Variants in DGCR2 observed in about 807,000 individuals in gnomAD.
DGCR2 encodes the protein DiGeorge syndrome critical region gene 2, also known as integral membrane protein DGCR2/IDD.
In DGCR2, 24 loss-of-function variants were observed where a neutral mutation model predicts 51.6. That is an observed-to-expected ratio of 0.47 (90% CI 0.34 to 0.65). DGCR2 has a LOEUF of 0.65. Ranked by LOEUF, DGCR2 falls within the 30% of genes least tolerant of loss-of-function variation. DGCR2 has a pLI of 0.01. For synonymous variants in DGCR2, 340 were observed against 315.4 expected (o/e 1.08, Z -0.82); for missense variants, 765 against 772.1 (o/e 0.99, Z 0.11).
At chr22:19,089,275 C>T in intron 2 of DGCR2, 93 bp downstream of exon 2, 2 of 1,375,044 alleles carry the variant, frequency 1.5e-6, no homozygotes, top group Non-Finnish European at 1.9e-6. Flanking sequence ...TGTGTTAAGA[C>T]AGCACACACC....
chr22:19,118,857 AGATG>A (rs2083401184), intron 1 of DGCR2, among the ~76,000 whole-genome samples: 1 of 152,264 alleles, frequency 6.6e-6, no homozygotes, highest in African/African-American at 2.4e-5. Flanking sequence ...TTCTCTACAC[AGATG>A]GAGAAAGGGC....
chr22:19,063,390 G>C lies in DGCR2; in HGVS notation c.549-112C>G, dbSNP rs940119827. 3.4e-5 allele frequency: 33 copies of C among 973,196 alleles called. No individual in the cohort carries two copies. In the Middle Eastern group the frequency reaches 6.9e-4, roughly 20 times the overall value. 60.3% of individuals were successfully genotyped at this position (973,196 alleles called of 1,614,324 possible). ...AGAGTCTCGCTCTGTCACCAGGATG[G>C]AGTGCAGTGGTGCGATCTCGGCTCA... On this transcript the variant is annotated intron_variant, in intron 4 of 9. Coordinates refer to ENST00000263196, the MANE Select transcript of DGCR2 (RefSeq NM_005137.3).
chr22:19,051,110 AC>A (rs2082543081), intron 6 of DGCR2, among the ~76,000 whole-genome samples: 1 of 145,624 alleles, frequency 6.9e-6, no homozygotes, highest in Admixed American at 7.3e-5. Flanking sequence ...AATCACTTGA[AC>A]CCAGGAGGTG....
Position 19,107,835 on chromosome 22 carries a change from G to A in DGCR2, c.79+14293C>T, listed in dbSNP as rs139028486. ...TATCTCGCATCTGATGTAAACATCA[G>A]CCAGCAGTTTCATCCAACACTCGCA... On this transcript the variant is annotated intron_variant, in intron 1 of 9. Coordinates refer to ENST00000263196, the MANE Select transcript of DGCR2 (RefSeq NM_005137.3). Among the ~76,000 whole-genome samples the A allele has an allele frequency of 5.3e-3, 800 of 152,340 alleles. 9 individuals carry two copies. The highest frequency in any genetic ancestry group is 8.1e-3 in the Non-Finnish European group (552 of 68,030).
At chr22:19,120,082 C>T (rs1464371779) in intron 1 of DGCR2, among the ~76,000 whole-genome samples, 4 of 152,160 alleles carry the variant, frequency 2.6e-5, no homozygotes, top group African/African-American at 7.2e-5. Flanking sequence ...AAGAGGCACA[C>T]ACGGGCATAC....
chr22:19,121,890 A>C, intron 1 of DGCR2: 5 of 254,382 alleles, frequency 2.0e-5, no homozygotes, highest in East Asian at 7.9e-5. Flanking sequence ...GCTCCCGGGA[A>C]GGGCCCAGAG....
chr22:19,069,246 G>C (rs1372475668), intron 2 of DGCR2, among the ~76,000 whole-genome samples: 1 of 152,228 alleles, frequency 6.6e-6, no homozygotes, highest in Non-Finnish European at 1.5e-5. Context: ...CACAGGGAGG[G>C]TTAGGAGGCC....
intron 5 of DGCR2, among the ~76,000 whole-genome samples, chr22:19,058,274 C>A (rs2082624860): frequency 6.6e-6 from 1 of 152,184 alleles, no homozygotes; most frequent in African/African-American, 2.4e-5. Context: ...CTGTGCCAGG[C>A]CAGCAGGCAG....
intron 7 of DGCR2, 71 bp from the exon 8 acceptor site, chr22:19,042,030 G>C: frequency 6.5e-7 from 1 of 1,529,984 alleles, no homozygotes; most frequent in Admixed American, 2.0e-5. Context: ...GGATGCTGTC[G>C]TCCTCCTGCC....
intron 6 of DGCR2, among the ~76,000 whole-genome samples, chr22:19,048,982 T>C (rs990242503): frequency 2.0e-5 from 3 of 152,236 alleles, no homozygotes; most frequent in Non-Finnish European, 4.4e-5. Context: ...TGGAATGCCA[T>C]GGATCTCTGG....
chr22:19,051,856 T>C (rs1349291227), intron 6 of DGCR2, among the ~76,000 whole-genome samples: 17 of 152,034 alleles, frequency 1.1e-4, no homozygotes, highest in Admixed American at 9.2e-4. Flanking sequence ...GAAATGCAAA[T>C]TGAAACCATA....
chr22:19,075,925 A>G (rs748522202), intron 2 of DGCR2, among the ~76,000 whole-genome samples: 6 of 152,064 alleles, frequency 3.9e-5, no homozygotes, highest in Non-Finnish European at 7.4e-5. Flanking sequence ...TCTGCTTCCA[A>G]TTCTTTGGAG....
intron 7 of DGCR2, among the ~76,000 whole-genome samples, chr22:19,043,357 A>G (rs2082453998): frequency 1.3e-5 from 2 of 152,240 alleles, no homozygotes; most frequent in East Asian, 1.9e-4. Flanking sequence ...TGCAGTGCAC[A>G]CTGGGGACAG....
chr22:19,071,254 C>CT (rs1306278664), intron 2 of DGCR2, among the ~76,000 whole-genome samples: 1 of 152,244 alleles, frequency 6.6e-6, no homozygotes. Flanking sequence ...CACGCTGCTG[C>CT]TTCCCCAGCA....
intron 1 of DGCR2, among the ~76,000 whole-genome samples, chr22:19,099,407 C>T (rs572486051): frequency 6.7e-6 from 1 of 148,498 alleles, no homozygotes; most frequent in East Asian, 2.1e-4. Context: ...TGGTGAAATC[C>T]CAGCTCTACT....
At chr22:19,079,745 G>C (rs1267471708) in intron 2 of DGCR2, among the ~76,000 whole-genome samples, 1 of 152,216 alleles carries the variant, frequency 6.6e-6, no homozygotes, top group Admixed American at 6.5e-5. Context: ...GAAAGCAGGG[G>C]AGCAGCCCCA....
At chr22:19,062,675 C>CCAGGGAATG (rs1268043920) in intron 5 of DGCR2, among the ~76,000 whole-genome samples, 1 of 151,912 alleles carries the variant, frequency 6.6e-6, no homozygotes, top group Non-Finnish European at 1.5e-5. Flanking sequence ...AAGTCCGAGC[C>CCAGGGAATG]CAGGGAATGT....
chr22:19,065,154 C>T, intron 3 of DGCR2, 87 bp from the exon 4 acceptor site: 1 of 1,150,454 alleles, frequency 8.7e-7, no homozygotes. Context: ...ACAGGCACAC[C>T]TTGTAAATCA....
intron 5 of DGCR2, among the ~76,000 whole-genome samples, chr22:19,062,776 C>CTGTCTCTGTCTCTG (rs1555903878): frequency 1.6e-5 from 2 of 123,324 alleles, no homozygotes; most frequent in Middle Eastern, 4.0e-3. Flanking sequence ...CACATGCATG[C>CTGTCTCTGTCTCTG]TCACTCTCTC....
Sources: allele counts gnomAD v4.1 joint callset (sites outside exome capture counted in the v4.1 genomes callset), GRCh38; gene constraint gnomAD v4.1.1; transcripts MANE v1.5; gene names NCBI Gene and HGNC (gene_info 2026-07-23, HGNC 2026-07-21).